Variants in LGR4 observed in about 807,000 individuals in gnomAD.
LGR4 encodes the protein leucine rich repeat containing G protein-coupled receptor 4, also known as leucine-rich repeat-containing G protein-coupled receptor 4.
Under a neutral mutation model 84.8 loss-of-function variants are expected in LGR4, and 44 were observed. The ratio of observed to expected loss-of-function variants is 0.52; its 90% CI spans 0.41 to 0.67. LGR4 has a LOEUF of 0.67. Among genes scored for constraint, LGR4 ranks in the 30% least tolerant of loss-of-function variants. The probability of loss-of-function intolerance (pLI) is 0.00; values close to 1 mark genes in which losing one functional copy is unlikely to be tolerated. For missense variants in LGR4, 1,032 were observed against 1,131.4 expected, an observed-to-expected ratio of 0.91 and a Z score of 1.26; for synonymous variants, 429 against 434.3, an observed-to-expected ratio of 0.99 and a Z score of 0.15.
intron 4 of LGR4, 31 bp downstream of exon 4, chr11:27,391,063 T>C (rs1863275681): frequency 2.3e-6 from 3 of 1,332,510 alleles, no homozygotes; most frequent in Non-Finnish European, 3.2e-6. Context: ...AGTAGTCTCT[T>C]GGTGAGTCAA....
rs1244721255 is a variant in LGR4, at chr11:27,392,518, T to C, written c.258A>G (p.Leu86=). Residue 86 remains leucine, a splice_region_variant and synonymous_variant, in exon 3 of 18, where the codon CTA becomes CTG. Coordinates refer to ENST00000379214, the MANE Select transcript of LGR4 (RefSeq NM_018490.5). ...AAGAAAGGTCGTTGCCCGCCAATTG[T>C]CTAGAGAAAAAAAAAAAAAAAGTAG... The part of the protein sequence containing the change: ...AFKNFPFLEE[L]QLAGNDLSFI... 1.9e-6 allele frequency: 3 copies of C among 1,544,638 alleles called. No homozygotes were observed. Among genetic ancestry groups the C allele is most frequent in the East Asian group, 2.3e-5 (1 of 43,406 alleles).
In LGR4 at chr11:27,395,931, G is replaced by A. The variant is rs535882761; in HGVS notation, c.258-3413C>T. ...AAGCTCAGATTCAGAAAAGAGCAAA[G>A]TAAATAAATAGCAAGGTTAGGAAAA... On this transcript the variant is annotated intron_variant, in intron 2 of 17. Transcript: ENST00000379214. Among the ~76,000 whole-genome samples the A allele has an allele frequency of 2.6e-5, 4 of 152,254 alleles. No individual in the cohort carries two copies. The East Asian group carries it at 7.7e-4, about 29-fold the overall frequency.
At chr11:27,413,669 C>T (rs1863754791) in intron 1 of LGR4, among the ~76,000 whole-genome samples, 2 of 152,112 alleles carry the variant, frequency 1.3e-5, no homozygotes, top group African/African-American at 4.8e-5. Flanking sequence ...TCCTTCTGTT[C>T]CATGGTGTTT....
chr11:27,426,372 G>A (rs979173556), intron 1 of LGR4, among the ~76,000 whole-genome samples: 1 of 152,174 alleles, frequency 6.6e-6, no homozygotes, highest in Non-Finnish European at 1.5e-5. Context: ...TGGGAGGAAT[G>A]ATGTAAAATT....
chr11:27,442,017 A>G (rs11030009), intron 1 of LGR4, among the ~76,000 whole-genome samples: 68,194 of 152,046 alleles, frequency 0.45, 16,276 homozygotes, highest in South Asian at 0.56. Flanking sequence ...CCTATGGGCA[A>G]CAATGAGGAG....
At chr11:27,376,512 G>A (rs1862985298) in intron 12 of LGR4, 142 bp from the exon 13 acceptor site, 1 of 469,546 alleles carries the variant, frequency 2.1e-6, no homozygotes, top group Non-Finnish European at 3.8e-6. Flanking sequence ...TCTTAGTTGA[G>A]TTTTTTCTAA....
chr11:27,374,280 A>AAAC (rs1862936859), intron 13 of LGR4, among the ~76,000 whole-genome samples: 1 of 152,216 alleles, frequency 6.6e-6, no homozygotes, highest in Non-Finnish European at 1.5e-5. Context: ...CATCTGTTTC[A>AAAC]AAACAGGTGT....
intron 1 of LGR4, among the ~76,000 whole-genome samples, chr11:27,428,906 G>A (rs1277958734): frequency 6.6e-6 from 1 of 152,172 alleles, no homozygotes; most frequent in Admixed American, 6.5e-5. Flanking sequence ...AGATGACATG[G>A]TGGTTTTTTT....
chr11:27,407,993 C>G (rs1863643867), intron 2 of LGR4, among the ~76,000 whole-genome samples: 1 of 151,966 alleles, frequency 6.6e-6, no homozygotes, highest in Non-Finnish European at 1.5e-5. Flanking sequence ...TTTTGAAAGT[C>G]TGAAATTACC....
chr11:27,468,982 G>C (rs1272497960), intron 1 of LGR4, among the ~76,000 whole-genome samples: 1 of 152,142 alleles, frequency 6.6e-6, no homozygotes, highest in Admixed American at 6.5e-5. Context: ...TGGAATGTAG[G>C]TGATTGAGTT....
At chr11:27,385,554 C>A in intron 4 of LGR4, 86 bp from the exon 5 acceptor site, 2 of 776,234 alleles carry the variant, frequency 2.6e-6, no homozygotes, top group Non-Finnish European at 4.0e-6. Flanking sequence ...GCTTTCAAAA[C>A]AAAAAGGACT....
intron 2 of LGR4, among the ~76,000 whole-genome samples, chr11:27,400,427 A>G (rs1863476552): frequency 6.6e-6 from 1 of 152,100 alleles, no homozygotes; most frequent in South Asian, 2.1e-4. Context: ...AATAATGTAA[A>G]TCCCAGGAAT....
At chr11:27,464,116 C>T (rs1000947214) in intron 1 of LGR4, among the ~76,000 whole-genome samples, 1 of 152,172 alleles carries the variant, frequency 6.6e-6, no homozygotes, top group Non-Finnish European at 1.5e-5. Flanking sequence ...CCTAAGAGTT[C>T]CTGTTAAGTT....
At chr11:27,434,034 G>T (rs1864164057) in intron 1 of LGR4, among the ~76,000 whole-genome samples, 1 of 152,216 alleles carries the variant, frequency 6.6e-6, no homozygotes, top group Non-Finnish European at 1.5e-5. Context: ...CTACCTCAGG[G>T]CTGGGAAGAT....
chr11:27,392,746 G>A (rs939261838), intron 2 of LGR4, among the ~76,000 whole-genome samples: 8 of 152,056 alleles, frequency 5.3e-5, no homozygotes, highest in Admixed American at 5.2e-4. Flanking sequence ...AATTTAAGCA[G>A]GCACATTTTT....
rs777420982 is a variant in LGR4, at chr11:27,382,200, C to T, written c.746G>A (p.Ser249Asn). Residue 249 changes from serine to asparagine, a missense_variant, in exon 7 of 18, where the codon AGC becomes AAC. Physicochemically the swap from Ser to Asn is conservative, Grantham distance 46. Transcript: ENST00000379214. ...EFPQAIKALP[S>N]LKELGFHSNS... ...AAGCAATACTCACAGCTCTTTAAGG[C>T]TAGGAAGGGCTTTAATAGCCTGAGG... The T allele has an allele frequency of 6.2e-7, 1 of 1,606,030 alleles. No individual in the cohort carries two copies. The highest frequency in any genetic ancestry group is 1.1e-5 in the South Asian group (1 of 90,758).
chr11:27,449,733 A>G (rs1864451575), intron 1 of LGR4, among the ~76,000 whole-genome samples: 1 of 152,244 alleles, frequency 6.6e-6, no homozygotes, highest in African/African-American at 2.4e-5. Context: ...TGTAGGAGAT[A>G]CCACTTCCAG....
chr11:27,380,684 A>G lies in LGR4; in HGVS notation c.858T>C (p.Phe286=). Residue 286 remains phenylalanine, a synonymous_variant, in exon 9 of 18, where the codon TTT becomes TTC. Coordinates refer to ENST00000379214, the MANE Select transcript of LGR4 (RefSeq NM_018490.5). ...AATTGTGAAATGCTGAGTTCCCCAC[A>G]AAAGACAGAGGATTATCATACAAAT... The part of the protein sequence containing the change: ...TIHLYDNPLS[F]VGNSAFHNLS... 1 of 1,604,284 alleles carries G rather than the reference A, an allele frequency of 6.2e-7. No individual in the cohort carries two copies. Among genetic ancestry groups the G allele is most frequent in the Non-Finnish European group, 8.5e-7 (1 of 1,172,540 alleles).
chr11:27,414,535 T>C (rs750386059), intron 1 of LGR4, among the ~76,000 whole-genome samples: 1 of 152,092 alleles, frequency 6.6e-6, no homozygotes, highest in Non-Finnish European at 1.5e-5. Context: ...GAGACATACA[T>C]GCACTCTAAA....
Sources: gnomAD v4.1 joint callset for allele counts (sites outside exome capture counted in the v4.1 genomes callset) on GRCh38, gnomAD v4.1.1 for gene constraint, MANE v1.5 for transcripts, NCBI Gene and HGNC (gene_info 2026-07-23, HGNC 2026-07-21) for gene names.